GPC5: variants seen among roughly 807,000 people sequenced by gnomAD.
GPC5 encodes glypican-5.
GPC5 carries 47 observed loss-of-function variants against 53.9 expected under a neutral mutation model. That is an observed-to-expected ratio of 0.87 (90% CI 0.69 to 1.11). The LOEUF is 1.11. Among genes scored for constraint, GPC5 ranks in the 50% most tolerant of loss-of-function variants. GPC5 has a pLI of 0.00. For synonymous variants in GPC5, 286 were observed against 263.3 expected (o/e 1.09, Z -0.84); for missense variants, 748 against 713.1 (o/e 1.05, Z -0.56).
intron 5 of GPC5, among the ~76,000 whole-genome samples, chr13:91,831,450 C>T (rs986280629): frequency 1.3e-5 from 2 of 151,964 alleles, no homozygotes; most frequent in African/African-American, 4.8e-5. Flanking sequence ...AGGATTAATA[C>T]TTTGTATCCC....
intron 2 of GPC5, among the ~76,000 whole-genome samples, chr13:91,506,307 A>G (rs1469421319): frequency 1.3e-5 from 2 of 152,198 alleles, no homozygotes; most frequent in Middle Eastern, 6.3e-3. Flanking sequence ...AAAATGAAAA[A>G]TACAGTATCA....
intron 7 of GPC5, among the ~76,000 whole-genome samples, chr13:92,246,191 A>G (rs2042649494): frequency 6.6e-6 from 1 of 152,108 alleles, no homozygotes; most frequent in Admixed American, 6.6e-5. Flanking sequence ...AGGAAAGTCA[A>G]ATTTAAACGG....
intron 5 of GPC5, among the ~76,000 whole-genome samples, chr13:91,818,972 A>G (rs932234006): frequency 2.0e-5 from 3 of 152,066 alleles, no homozygotes; most frequent in African/African-American, 7.2e-5. Flanking sequence ...GTGGCATTTA[A>G]TGGATGCATA....
At chr13:91,677,574 G>A (rs2139712761) in intron 2 of GPC5, among the ~76,000 whole-genome samples, 1 of 152,236 alleles carries the variant, frequency 6.6e-6, no homozygotes, top group South Asian at 2.1e-4. Context: ...CATCTGTCAA[G>A]TTCTTTTGCA....
intron 6 of GPC5, among the ~76,000 whole-genome samples, chr13:92,077,466 A>C (rs997939301): frequency 5.3e-5 from 8 of 152,188 alleles, no homozygotes; most frequent in African/African-American, 1.9e-4. Context: ...ATGCTTTGGA[A>C]TGAATAAATG....
chr13:92,253,752 T>C (rs553136213), intron 7 of GPC5, among the ~76,000 whole-genome samples: 1 of 152,172 alleles, frequency 6.6e-6, no homozygotes, highest in East Asian at 1.9e-4. Flanking sequence ...TGAAAGATAG[T>C]ACTATTTTAT....
At position 92,511,589 on chromosome 13, in the gene GPC5, T is replaced by C. The variant is rs188419563; in HGVS notation, c.1562-354693T>C. Among the ~76,000 whole-genome samples the C allele has an allele frequency of 3.4e-4, 52 of 152,336 alleles. No homozygotes were observed. In the East Asian group the frequency reaches 6.8e-3, roughly 20 times the overall value. On this transcript the variant is annotated intron_variant, in intron 7 of 7. Coordinates refer to ENST00000377067, the MANE Select transcript of GPC5 (RefSeq NM_004466.6). Reference sequence around the variant, plus strand: ...GTTGTTCAAGGGCATATGATTTCTGTGACCATTTTTGGATGTTGTTTCACT... The same window carrying C: ...GTTGTTCAAGGGCATATGATTTCTGCGACCATTTTTGGATGTTGTTTCACT...
At chr13:91,780,891 T>A (rs1284106099) in intron 5 of GPC5, among the ~76,000 whole-genome samples, 1 of 152,218 alleles carries the variant, frequency 6.6e-6, no homozygotes, top group Non-Finnish European at 1.5e-5. Context: ...AGCTTTCTTA[T>A]TCTTAGTTCA....
Position 91,717,472 on chromosome 13 carries a change from G to C in GPC5, c.1021-11060G>C, listed in dbSNP as rs369283230. On this transcript the variant is annotated intron_variant, in intron 3 of 7. Coordinates refer to ENST00000377067, the MANE Select transcript of GPC5 (RefSeq NM_004466.6). The stretch of plus-strand genomic sequence containing the variant: ...ATCTATCTGAGAAGAGCTAGGGAAA[G>C]CTCACTCTTGAGTGAAGGAAATTCC... 3.9e-5 allele frequency among the ~76,000 whole-genome samples: 6 copies of C among 152,308 alleles called. No individual in the cohort carries two copies. The East Asian group carries it at 9.6e-4, about 24-fold the overall frequency.
chr13:92,484,269 T>C (rs1879470526), intron 7 of GPC5, among the ~76,000 whole-genome samples: 1 of 152,218 alleles, frequency 6.6e-6, no homozygotes, highest in African/African-American at 2.4e-5. Flanking sequence ...TCATCATGTA[T>C]GATAACAACG....
chr13:91,532,424 T>G (rs554134153), intron 2 of GPC5, among the ~76,000 whole-genome samples: 1 of 152,234 alleles, frequency 6.6e-6, no homozygotes, highest in Non-Finnish European at 1.5e-5. Context: ...AAAAAGTTTC[T>G]GATGATCAGA....
At chr13:91,546,798 G>A (rs1333085680) in intron 2 of GPC5, among the ~76,000 whole-genome samples, 1 of 152,024 alleles carries the variant, frequency 6.6e-6, no homozygotes, top group Non-Finnish European at 1.5e-5. Flanking sequence ...ATTGAAAGAA[G>A]CTTATTAAGT....
intron 7 of GPC5, among the ~76,000 whole-genome samples, chr13:92,666,445 A>G (rs955348641): frequency 3.3e-5 from 5 of 152,194 alleles, no homozygotes; most frequent in East Asian, 1.9e-4. Context: ...CTGGCTTTTC[A>G]TAATATAACA....
intron 7 of GPC5, among the ~76,000 whole-genome samples, chr13:92,600,090 T>A (rs1000287169): frequency 6.6e-6 from 1 of 152,214 alleles, no homozygotes; most frequent in Admixed American, 6.5e-5. Flanking sequence ...TCAATTTTTT[T>A]ATTTAATATT....
intron 2 of GPC5, among the ~76,000 whole-genome samples, chr13:91,530,367 A>G (rs774116351): frequency 6.6e-6 from 1 of 152,198 alleles, no homozygotes. Flanking sequence ...GAGATAATTT[A>G]CACCATGACC....
At chr13:92,477,250 A>G (rs1566607753) in intron 7 of GPC5, among the ~76,000 whole-genome samples, 2 of 151,722 alleles carry the variant, frequency 1.3e-5, no homozygotes, top group Non-Finnish European at 2.9e-5. Context: ...AGTGAAGAAC[A>G]ACTTGTTCAC....
intron 1 of GPC5, among the ~76,000 whole-genome samples, chr13:91,444,656 C>G (rs1276959635): frequency 6.6e-6 from 1 of 152,062 alleles, no homozygotes; most frequent in East Asian, 1.9e-4. Context: ...CTCTATGTGT[C>G]TTGAATCCCT....
chr13:92,650,406 C>T (rs1234245687), intron 7 of GPC5, among the ~76,000 whole-genome samples: 1 of 152,036 alleles, frequency 6.6e-6, no homozygotes, highest in African/African-American at 2.4e-5. Flanking sequence ...AAATGGGCTG[C>T]AAATGAAAAT....
intron 7 of GPC5, among the ~76,000 whole-genome samples, chr13:92,754,801 C>T (rs1874782658): frequency 6.7e-6 from 1 of 149,378 alleles, no homozygotes; most frequent in Non-Finnish European, 1.5e-5. Flanking sequence ...ATATATGCAC[C>T]CAATACAGGA....
Sources: allele counts gnomAD v4.1 joint callset (sites outside exome capture counted in the v4.1 genomes callset), GRCh38; gene constraint gnomAD v4.1.1; transcripts MANE v1.5; gene names NCBI Gene and HGNC (gene_info 2026-07-23, HGNC 2026-07-21).